TPTE2: variants seen among roughly 807,000 people sequenced by gnomAD.
TPTE2 encodes transmembrane phosphoinositide 3-phosphatase and tensin homolog 2.
Under a neutral mutation model 78.6 loss-of-function variants are expected in TPTE2, and 53 were observed. The observed-to-expected ratio is 0.67, with a 90% CI of 0.54 to 0.85. The LOEUF is 0.85. TPTE2 is among the 40% of genes least tolerant of loss of function. The probability of loss-of-function intolerance (pLI) is 0.00; values close to 1 mark genes in which losing one functional copy is unlikely to be tolerated. For synonymous variants in TPTE2, 175 were observed against 206.2 expected (o/e 0.85, Z 1.30); for missense variants, 461 against 623.0 (o/e 0.74, Z 2.77).
At chr13:19,454,622 C>T (rs1284805551) in intron 10 of TPTE2, among the ~76,000 whole-genome samples, 2 of 152,080 alleles carry the variant, frequency 1.3e-5, no homozygotes, top group African/African-American at 4.8e-5. Flanking sequence ...TTTTGGGATA[C>T]TCTGATTAAA....
upstream of TPTE2, among the ~76,000 whole-genome samples, chr13:19,538,563 C>A (rs1025703361): frequency 6.6e-6 from 1 of 150,944 alleles, no homozygotes; most frequent in Non-Finnish European, 1.5e-5. Context: ...GAGTCTCCCT[C>A]TGTTGCCCAG....
At chr13:19,427,213 T>C (rs1222590374) in intron 17 of TPTE2, among the ~76,000 whole-genome samples, 4 of 150,436 alleles carry the variant, frequency 2.7e-5, no homozygotes, top group Non-Finnish European at 5.9e-5. Context: ...GCCTCCCAAG[T>C]AGCTGGGACT....
chr13:19,424,601 C>T (rs1232521430), intron 19 of TPTE2, among the ~76,000 whole-genome samples: 1 of 152,156 alleles, frequency 6.6e-6, no homozygotes, highest in East Asian at 1.9e-4. Flanking sequence ...GGTAAATCAG[C>T]ACCTACTGAC....
the TPTE2 span, among the ~76,000 whole-genome samples, chr13:19,546,771 T>C: frequency 1.3e-5 from 2 of 152,122 alleles, no homozygotes; most frequent in South Asian, 4.1e-4. Context: ...ACTACAGGCA[T>C]GAGCCACCAC....
At chr13:19,472,636 A>ATATC (rs777133876) in intron 6 of TPTE2, among the ~76,000 whole-genome samples, 3 of 152,190 alleles carry the variant, frequency 2.0e-5, no homozygotes, top group African/African-American at 4.8e-5. Context: ...AAGGTCACAT[A>ATATC]TATCTGTTTC....
intron 6 of TPTE2, among the ~76,000 whole-genome samples, chr13:19,473,597 CT>C (rs34210025): frequency 1.5e-4 from 20 of 129,094 alleles, no homozygotes; most frequent in Admixed American, 1.7e-4. Context: ...TTTTAAAATG[CT>C]TTTTTTTTTT....
At chr13:19,539,303 G>A (rs1222925877), upstream of TPTE2, among the ~76,000 whole-genome samples, 1 of 152,214 alleles carries the variant, frequency 6.6e-6, no homozygotes, top group African/African-American at 2.4e-5. Context: ...ACATGAAGTG[G>A]GAGGGACCTG....
In TPTE2 at chr13:19,460,468, T is replaced by C. The variant is rs1878817626; in HGVS notation, c.741+3988A>G. 2.0e-5 allele frequency among the ~76,000 whole-genome samples: 3 copies of C among 152,210 alleles called. No individual in the cohort carries two copies. In the South Asian group the frequency reaches 6.2e-4, roughly 31 times the overall value. ...CCTCGCCCCTTTTCATTCCTCTTTG[T>C]GAGCGCGGCAGACTGCAGCTGCTTC... On this transcript the variant is annotated intron_variant, in intron 10 of 19. Coordinates refer to ENST00000400230, the Ensembl canonical transcript of TPTE2.
At chr13:19,511,787 A>G (rs567614990) in intron 1 of TPTE2, among the ~76,000 whole-genome samples, 1 of 152,318 alleles carries the variant, frequency 6.6e-6, no homozygotes, top group East Asian at 1.9e-4. Context: ...AGTAATAGTG[A>G]ATAAATAGGG....
chr13:19,521,254 C>T (rs1870128510), intron 1 of TPTE2, among the ~76,000 whole-genome samples: 1 of 151,894 alleles, frequency 6.6e-6, no homozygotes, highest in Non-Finnish European at 1.5e-5. Context: ...ATTTTTTCTT[C>T]ATGTACTTTG....
chr13:19,533,294 A>G (rs567029699), intron 1 of TPTE2, among the ~76,000 whole-genome samples: 1 of 152,334 alleles, frequency 6.6e-6, no homozygotes, highest in Admixed American at 6.5e-5. Flanking sequence ...CAGAGAAATT[A>G]GAGAACCAAT....
intron 1 of TPTE2, among the ~76,000 whole-genome samples, chr13:19,512,366 C>T (rs750328348): frequency 6.6e-5 from 10 of 152,214 alleles, no homozygotes; most frequent in Non-Finnish European, 1.2e-4. Flanking sequence ...CCCTCTCACA[C>T]TTCAAAAATA....
intron 3 of TPTE2, among the ~76,000 whole-genome samples, chr13:19,487,899 G>C (rs1880754327): frequency 6.6e-6 from 1 of 152,216 alleles, no homozygotes; most frequent in Non-Finnish European, 1.5e-5. Context: ...ACTGGCCTCA[G>C]GGCTTGCAAA....
rs749751898 is a variant in TPTE2, at chr13:19,473,958, G to A, written c.348C>T (p.Gly116=). ...GAAGAACATCCATGAGAAAAAATAA[G>A]CCAATAGCTAGAGAAATAGAACGAT... The change falls in exon 6 of 20, where the codon GGC becomes GGT. Residue 116 remains glycine, a synonymous_variant. Coordinates refer to ENST00000400230, the Ensembl canonical transcript of TPTE2. The A allele has an allele frequency of 3.7e-6, 6 of 1,605,576 alleles. No individual in the cohort carries two copies. In the African/African-American group the frequency reaches 4.1e-5, roughly 11 times the overall value.
intron 10 of TPTE2, among the ~76,000 whole-genome samples, chr13:19,457,523 C>A (rs1392352528): frequency 6.6e-6 from 1 of 152,078 alleles, no homozygotes; most frequent in Admixed American, 6.6e-5. Flanking sequence ...CTCCTTCCCC[C>A]ATCCCCTCCC....
the TPTE2 span, among the ~76,000 whole-genome samples, chr13:19,556,995 G>A: frequency 0.13 from 19,867 of 152,186 alleles, 1,455 homozygotes; most frequent in Middle Eastern, 0.23. Flanking sequence ...AACACTACAA[G>A]TCCGTTAAAT....
intron 1 of TPTE2, among the ~76,000 whole-genome samples, chr13:19,530,891 A>G (rs1254465257): frequency 6.6e-6 from 1 of 152,160 alleles, no homozygotes; most frequent in African/African-American, 2.4e-5. Flanking sequence ...TAAGTGTGCA[A>G]TTCAGTGGTG....
the TPTE2 span, among the ~76,000 whole-genome samples, chr13:19,554,588 T>C: frequency 5.3e-5 from 8 of 152,236 alleles, no homozygotes; most frequent in South Asian, 8.3e-4. Context: ...AGTTACACTT[T>C]TGTACATATC....
intron 15 of TPTE2, among the ~76,000 whole-genome samples, chr13:19,433,512 A>G (rs1028471749): frequency 6.6e-6 from 1 of 152,182 alleles, no homozygotes; most frequent in African/African-American, 2.4e-5. Context: ...CAAAAATTAA[A>G]AACAAAACAA....
Sources: gnomAD v4.1 joint callset for allele counts (sites outside exome capture counted in the v4.1 genomes callset) on GRCh38, gnomAD v4.1.1 for gene constraint, MANE v1.5 for transcripts, NCBI Gene and HGNC (gene_info 2026-07-23, HGNC 2026-07-21) for gene names.